Variants in LRFN1 observed in about 807,000 individuals in gnomAD.
The protein encoded by LRFN1 is leucine-rich repeat and fibronectin type III domain-containing protein 1.
A neutral mutation model predicts 31.8 loss-of-function variants in LRFN1; 20 were observed. That is an observed-to-expected ratio of 0.63 (90% CI 0.44 to 0.91). LRFN1 has a LOEUF of 0.91. LRFN1 is among the 40% of genes least tolerant of loss of function. The probability of loss-of-function intolerance (pLI) is 0.00; values close to 1 mark genes in which losing one functional copy is unlikely to be tolerated. For missense variants in LRFN1, 912 were observed against 1,129.8 expected (o/e 0.81, Z 2.76); for synonymous variants, 514 against 541.3 (o/e 0.95, Z 0.70).
chr19:39,319,931 G>A (rs997769739), intron 1 of LRFN1, among the ~76,000 whole-genome samples: 2 of 152,134 alleles, frequency 1.3e-5, no homozygotes, highest in African/African-American at 2.4e-5. Context: ...CTGGCCATCA[G>A]GATGGAGGTA....
In LRFN1 at chr19:39,307,829, T is replaced by C. The variant is rs745572870; in HGVS notation, c.2120A>G (p.Asp707Gly). Residue 707 changes from aspartate (D) to glycine (G), a missense_variant, in exon 5 of 5, where the codon GAC (aspartate) becomes GGC (glycine). Physicochemically the swap from Asp to Gly is moderately conservative, Grantham distance 94 (BLOSUM62 -1). Coordinates refer to ENST00000248668, the MANE Select transcript of LRFN1 (RefSeq NM_020862.2). This position sits in a 1 kb window ranked among gnomAD's most constrained non-coding sequence, Gnocchi z 6.7. ...RPRPQQRYSF[D>G]GDYGALFQSH... ...CTGGAATAGTGCCCCGTAGTCCCCG[T>C]CGAACGAATAGCGCTGCTGCGGCCT... is the stretch of plus-strand genomic sequence containing the variant. 1 of 1,496,046 alleles carries C rather than the reference T, an allele frequency of 6.7e-7. No homozygotes were observed. Among genetic ancestry groups the C allele is most frequent in the East Asian group, 2.5e-5 (1 of 40,412 alleles). The allele number at this position is 1,496,046 out of a possible 1,614,324, so 92.7% of individuals were successfully genotyped here. A position where few individuals can be genotyped will look rare whatever the true frequency, so the allele number is the denominator to read the frequency against.
intron 1 of LRFN1, among the ~76,000 whole-genome samples, chr19:39,318,989 T>C (rs1263274038): frequency 6.6e-6 from 1 of 152,150 alleles, no homozygotes; most frequent in African/African-American, 2.4e-5. Flanking sequence ...TCAAACCCAC[T>C]GAACCCAAGA....
At position 39,307,639 on chromosome 19, in the gene LRFN1, G is replaced by A. The variant is rs1238741487; in HGVS notation, c.2310C>T (p.Thr770=). The A allele has an allele frequency of 7.1e-6, 10 of 1,418,280 alleles. No individual in the cohort carries two copies. Among genetic ancestry groups the A allele is most frequent in the South Asian group, 1.5e-5 (1 of 67,412 alleles). 87.9% of individuals were successfully genotyped at this position (1,418,280 alleles called of 1,614,324 possible). The change falls in exon 5 of 5, where the codon ACC becomes ACT. Residue 770 remains threonine (T), a synonymous_variant. Coordinates refer to ENST00000248668, the MANE Select transcript of LRFN1 (RefSeq NM_020862.2). The surrounding 1 kb of genome is among the most constrained non-coding windows in gnomAD (Gnocchi z 6.7). The part of the protein sequence containing the change: ...FTSTEWMLES[T]V Reference sequence around the variant, plus strand: ...CCCGGCGCCCGCCCGCCGCTCACACGGTACTCTCCAGCATCCACTCGGTGC... The same window carrying A: ...CCCGGCGCCCGCCCGCCGCTCACACAGTACTCTCCAGCATCCACTCGGTGC...
rs768217823 is a variant in LRFN1 at position 39,314,936 on chromosome 19, C to T, written c.401G>A (p.Arg134His). ...RLAEVRGDQLRGLGNLRHLIL... is the reference protein window; with the variant it reads ...RLAEVRGDQLHGLGNLRHLIL... ...CAGGTGGCGGAGGTTGCCCAGGCCG[C>T]GGAGCTGGTCGCCGCGCACCTCCGC... The change falls in exon 4 of 5, where the codon CGC becomes CAC. Residue 134 changes from arginine to histidine, a missense_variant. Physicochemically the swap from Arg to His is conservative, Grantham distance 29. Around this residue, in one of 2 missense-constraint regions of LRFN1, gnomAD observed 401 missense variants for 572.7 expected, o/e 0.70. Transcript: ENST00000248668. 3.7e-6 allele frequency: 6 copies of T among 1,602,990 alleles called. No individual in the cohort carries two copies. The highest frequency in any genetic ancestry group is 5.1e-6 in the Non-Finnish European group (6 of 1,177,052).
At position 39,307,677 on chromosome 19, in the gene LRFN1, G is replaced by C; in HGVS notation, c.2272C>G (p.Leu758Val). ...ATCCACTCGGTGCTGGTGAAAGCCAGGCACGCCCTGGCGGAGCCCAGCCCC... is the reference window on the plus strand; with the variant it reads ...ATCCACTCGGTGCTGGTGAAAGCCACGCACGCCCTGGCGGAGCCCAGCCCC... ...DLGLGSARACLAFTSTEWMLE... is the reference protein window; with the variant it reads ...DLGLGSARACVAFTSTEWMLE... The change falls in exon 5 of 5, where the codon CTG (leucine) becomes GTG (valine). Residue 758 changes from leucine (L) to valine (V), a missense_variant. By Grantham distance (32) the Leu-to-Val change is conservative (BLOSUM62 1). Transcript: ENST00000248668. This position sits in a 1 kb window ranked among gnomAD's most constrained non-coding sequence, Gnocchi z 6.7. 1.3e-6 allele frequency: 2 copies of C among 1,498,744 alleles called. No homozygotes were observed. The highest frequency in any genetic ancestry group is 5.3e-5 in the East Asian group (2 of 37,592). 92.8% of individuals were successfully genotyped at this position (1,498,744 alleles called of 1,614,324 possible).
intron 1 of LRFN1, among the ~76,000 whole-genome samples, chr19:39,320,517 C>A (rs1274649932): frequency 6.6e-6 from 1 of 152,030 alleles, no homozygotes; most frequent in East Asian, 1.9e-4. Context: ...GATGGGCGCG[C>A]GACAGCGCCC....
chr19:39,314,065 A>G lies in LRFN1; in HGVS notation c.1272T>C (p.Ala424=), dbSNP rs766610766. The part of the protein sequence containing the change: ...PGRPGANDSA[A]ERRLVAAELT... The stretch of plus-strand genomic sequence containing the variant: ...GCTCGGCTGCCACGAGCCGACGCTC[A>G]GCCGCAGAATCGTTGGCACCTGGTC... The change falls in exon 4 of 5, where the codon GCT becomes GCC. Residue 424 remains alanine, a synonymous_variant. Coordinates refer to ENST00000248668, the MANE Select transcript of LRFN1 (RefSeq NM_020862.2). 2.5e-6 allele frequency: 4 copies of G among 1,612,324 alleles called. No homozygotes were observed. The South Asian group carries it at 3.3e-5, about 13-fold the overall frequency.
rs1176209028 is a variant in LRFN1 at position 39,316,155 on chromosome 19, A to G, written c.-92-19T>C. 6.6e-6 allele frequency: 1 copy of G among 152,226 alleles called. No homozygotes were observed. The highest frequency in any genetic ancestry group is 6.5e-5 in the Admixed American group (1 of 15,276). The allele number at this position is 152,226 out of a possible 1,614,324, so 9.4% of individuals were successfully genotyped here. A position where few individuals can be genotyped will look rare whatever the true frequency, so the allele number is the denominator to read the frequency against. ...TCTTCATCTGTAAAAGGGAGATAGA[A>G]ACAGGCCTTACTTCTGTGAGGATTA... On this transcript the variant is annotated intron_variant, in intron 2 of 4. Transcript: ENST00000248668.
intron 4 of LRFN1, 28 bp downstream of exon 4, chr19:39,313,903 G>T: frequency 6.4e-7 from 1 of 1,559,106 alleles, no homozygotes; most frequent in South Asian, 1.2e-5. Flanking sequence ...TTGGGAGGAG[G>T]CCCTGGGACT....
intron 4 of LRFN1, among the ~76,000 whole-genome samples, chr19:39,310,702 A>T (rs114224555): frequency 0.022 from 3,394 of 152,208 alleles, 109 homozygotes; most frequent in African/African-American, 0.075. Flanking sequence ...GGGACCATGC[A>T]GAACAAGCTC....
At position 39,311,022 on chromosome 19, in the gene LRFN1, T is replaced by G. The variant is rs965361126; in HGVS notation, c.1407-2480A>C. On this transcript the variant is annotated intron_variant, in intron 4 of 4. Coordinates refer to ENST00000248668, the MANE Select transcript of LRFN1 (RefSeq NM_020862.2). ...CTGGCTTTAAGCCTTCCTCCTCCTC[T>G]CTTCATCTCTCCTCTCCAGAGCCCT... 5.3e-5 allele frequency among the ~76,000 whole-genome samples: 8 copies of G among 152,186 alleles called. No homozygotes were observed. The East Asian group carries it at 1.4e-3, about 26-fold the overall frequency.
chr19:39,316,862 G>A (rs1360130994), intron 2 of LRFN1, among the ~76,000 whole-genome samples: 1 of 152,170 alleles, frequency 6.6e-6, no homozygotes, highest in East Asian at 1.9e-4. Flanking sequence ...TGGGAAGGGG[G>A]CGTCCCTAAA....
chr19:39,308,576 T>G lies in LRFN1; in HGVS notation c.1407-34A>C. ...GGGGGCGGGTTCAGGGCGGGGTTAGTCCCCCCGAACCACGCCCCTTCGCTT... is the reference window on the plus strand; with the variant it reads ...GGGGGCGGGTTCAGGGCGGGGTTAGGCCCCCCGAACCACGCCCCTTCGCTT... On this transcript the variant is annotated intron_variant, in intron 4 of 4. Transcript: ENST00000248668. The surrounding 1 kb of genome is among the most constrained non-coding windows in gnomAD (Gnocchi z 6.2). 1 of 1,538,628 alleles carries G rather than the reference T, an allele frequency of 6.5e-7. No homozygotes were observed. Among genetic ancestry groups the G allele is most frequent in the Non-Finnish European group, 8.7e-7 (1 of 1,146,074 alleles).
Position 39,314,559 on chromosome 19 carries a change from G to C in LRFN1, c.778C>G (p.Leu260Val), listed in dbSNP as rs1353047245. 6 of 1,609,996 alleles carry C rather than the reference G, an allele frequency of 3.7e-6. No homozygotes were observed. Among genetic ancestry groups the C allele is most frequent in the Non-Finnish European group, 5.1e-6 (6 of 1,178,670 alleles). The stretch of plus-strand genomic sequence containing the variant: ...CGGGTCAGCCGCCGCAGCCAGAGCA[G>C]CTCGCAGTTGCAGTGCAGGGGGTTG... ...GGNPLHCNCE[L>V]LWLRRLTRED... is the part of the protein sequence containing the mutation. The change falls in exon 4 of 5, where the codon CTG (leucine) becomes GTG (valine). Residue 260 changes from leucine to valine, a missense_variant. Leu to Val is a conservative substitution (Grantham distance 32, BLOSUM62 1). Around this residue, in one of 2 missense-constraint regions of LRFN1, gnomAD observed 401 missense variants for 572.7 expected, o/e 0.70. Coordinates refer to ENST00000248668, the MANE Select transcript of LRFN1 (RefSeq NM_020862.2).
In LRFN1 at chr19:39,307,731, C is replaced by A; in HGVS notation, c.2218G>T (p.Gly740Trp). ...TCTCCATCCTCCCCGGCCGCGCCCCCTCCAGCCCCGTCCAGGTGCGGCGTG... is the reference window on the plus strand; with the variant it reads ...TCTCCATCCTCCCCGGCCGCGCCCCATCCAGCCCCGTCCAGGTGCGGCGTG... ...RSTPHLDGAG[G>W]GAAGEDGDLG... The change falls in exon 5 of 5, where the codon GGG becomes TGG. Residue 740 changes from glycine (G) to tryptophan (W), a missense_variant. By Grantham distance (184) the Gly-to-Trp change is radical. Around this residue, in one of 2 missense-constraint regions of LRFN1, gnomAD observed 511 missense variants for 557.0 expected, o/e 0.92. Coordinates refer to ENST00000248668, the MANE Select transcript of LRFN1 (RefSeq NM_020862.2). The surrounding 1 kb of genome is among the most constrained non-coding windows in gnomAD (Gnocchi z 6.7). The A allele has an allele frequency of 6.7e-7, 1 of 1,496,544 alleles. No individual in the cohort carries two copies. The highest frequency in any genetic ancestry group is 1.3e-5 in the South Asian group (1 of 74,506). The allele number at this position is 1,496,544 out of a possible 1,614,324, so 92.7% of individuals were successfully genotyped here.
In LRFN1 at chr19:39,314,609, G is replaced by A. The variant is rs1329525317; in HGVS notation, c.728C>T (p.Thr243Ile). The A allele has an allele frequency of 1.9e-6, 3 of 1,610,398 alleles. No homozygotes were observed. In the South Asian group the frequency reaches 3.3e-5, roughly 18 times the overall value. Residue 243 changes from threonine (T) to isoleucine (I), a missense_variant, in exon 4 of 5, where the codon ACC (threonine) becomes ATC (isoleucine). Around this residue, in one of 2 missense-constraint regions of LRFN1, gnomAD observed 401 missense variants for 572.7 expected, o/e 0.70. Transcript: ENST00000248668. The part of the protein sequence containing the change: ...RSQGTGPKPP[T>I]PLTVSFGGNP... Reference sequence around the variant, plus strand: ...GCCGCCGAAGCTGACGGTCAGCGGGGTGGGCGGCTTGGGCCCGGTGCCCTG... The same window carrying A: ...GCCGCCGAAGCTGACGGTCAGCGGGATGGGCGGCTTGGGCCCGGTGCCCTG...
At position 39,308,637 on chromosome 19, in the gene LRFN1, CCTG is replaced by C. The variant is rs1383838317; in HGVS notation, c.1407-98_1407-96del. ...CCATGGTGAACAGTGGGGACTAAAC[CCTG>C]CTATCGAAGTCTCAGCCGCTACTGA... is the stretch of plus-strand genomic sequence containing the variant. On this transcript the variant is annotated intron_variant, in intron 4 of 4. Coordinates refer to ENST00000248668, the MANE Select transcript of LRFN1 (RefSeq NM_020862.2). The surrounding 1 kb of genome is among the most constrained non-coding windows in gnomAD (Gnocchi z 6.2). The C allele has an allele frequency of 3.5e-6, 4 of 1,150,938 alleles. No individual in the cohort carries two copies. Among genetic ancestry groups the C allele is most frequent in the Non-Finnish European group, 4.8e-6 (4 of 837,824 alleles). The allele number at this position is 1,150,938 out of a possible 1,614,324, so 71.3% of individuals were successfully genotyped here. A position where few individuals can be genotyped will look rare whatever the true frequency, so the allele number is the denominator to read the frequency against.
Position 39,314,056 on chromosome 19 carries a change from C to A in LRFN1, c.1281G>T (p.Arg427=), listed in dbSNP as rs1361534816. Residue 427 remains arginine (R), a synonymous_variant, in exon 4 of 5, where the codon CGG becomes CGT. Transcript: ENST00000248668. ...PGANDSAAER[R]LVAAELTSNS... Reference sequence around the variant, plus strand: ...TCGAGGTGAGCTCGGCTGCCACGAGCCGACGCTCAGCCGCAGAATCGTTGG... The same window carrying A: ...TCGAGGTGAGCTCGGCTGCCACGAGACGACGCTCAGCCGCAGAATCGTTGG... The A allele has an allele frequency of 1.9e-6, 3 of 1,611,922 alleles. No homozygotes were observed. Among genetic ancestry groups the A allele is most frequent in the Non-Finnish European group, 2.5e-6 (3 of 1,179,730 alleles).
intron 2 of LRFN1, among the ~76,000 whole-genome samples, chr19:39,317,804 A>G (rs2075176388): frequency 6.6e-6 from 1 of 152,110 alleles, no homozygotes; most frequent in African/African-American, 2.4e-5. Flanking sequence ...CACTATATAC[A>G]TGTGAGCTGC....
Sources: allele counts gnomAD v4.1 joint callset (sites outside exome capture counted in the v4.1 genomes callset), GRCh38; gene constraint gnomAD v4.1.1; regional missense constraint gnomAD v4.1.1; non-coding constraint Gnocchi (gnomAD v3.1); transcripts MANE v1.5; gene names NCBI Gene and HGNC (gene_info 2026-07-23, HGNC 2026-07-21).